RELN: variants seen among roughly 807,000 people sequenced by gnomAD.
The protein encoded by RELN is reelin.
Under a neutral mutation model 427.6 loss-of-function variants are expected in RELN, and 108 were observed. The observed-to-expected ratio is 0.25, with a 90% CI of 0.22 to 0.30. The LOEUF (loss-of-function observed/expected upper bound fraction) is 0.30, where lower values mean the gene tolerates loss of function less well. RELN is among the 10% of genes least tolerant of loss of function. The pLI is 1.00. For synonymous variants in RELN, 1,524 were observed against 1,513.4 expected (o/e 1.01, Z -0.16); for missense variants, 3,715 against 4,302.8 (o/e 0.86, Z 3.82).
At chr7:103,554,882 C>T (rs1461714081) in intron 38 of RELN, among the ~76,000 whole-genome samples, 2 of 152,126 alleles carry the variant, frequency 1.3e-5, no homozygotes, top group Non-Finnish European at 2.9e-5. Flanking sequence ...TTTTTAGGGC[C>T]AACCCATGGC....
Position 103,476,122 on chromosome 7 carries a change from T to A in RELN, c.10286+2267A>T, listed in dbSNP as rs559443149. 1.5e-4 allele frequency among the ~76,000 whole-genome samples: 23 copies of A among 152,242 alleles called. No homozygotes were observed. In the South Asian group the frequency reaches 4.6e-3, roughly 30 times the overall value. On this transcript the variant is annotated intron_variant, in intron 64 of 64. Transcript: ENST00000428762. ...CTTTGGATTCCTGAGAATGTTGATA[T>A]GCATATAGTAATGGACTTGCTATAG... is the stretch of plus-strand genomic sequence containing the variant.
intron 1 of RELN, among the ~76,000 whole-genome samples, chr7:103,971,103 G>A (rs538379808): frequency 6.8e-6 from 1 of 147,626 alleles, no homozygotes; most frequent in African/African-American, 2.5e-5. Flanking sequence ...AGTGAGCAGA[G>A]ACCGTGCCAC....
chr7:103,571,194 T>C (rs3025946), intron 31 of RELN, among the ~76,000 whole-genome samples: 1,814 of 152,302 alleles, frequency 0.012, 35 homozygotes, highest in African/African-American at 0.042. Flanking sequence ...CCAATGTGTT[T>C]TACACAGTCA....
rs1203065923 is a variant in RELN, at chr7:103,483,637, C to T, written c.10181+16G>A. 6.2e-7 allele frequency: 1 copy of T among 1,613,136 alleles called. No individual in the cohort carries two copies. The highest frequency in any genetic ancestry group is 1.3e-5 in the African/African-American group (1 of 74,872). On this transcript the variant is annotated intron_variant, in intron 62 of 64. Coordinates refer to ENST00000428762, the MANE Select transcript of RELN (RefSeq NM_005045.4). ...GATTGTGCATGAGACCATGCCTTTC[C>T]ATTTGGGCCACTTACAGGGGGACAT...
chr7:103,492,384 T>TAA (rs941776354), intron 57 of RELN, among the ~76,000 whole-genome samples: 1 of 152,194 alleles, frequency 6.6e-6, no homozygotes, highest in African/African-American at 2.4e-5. Flanking sequence ...ATTGATAGCC[T>TAA]AACTTTCTTG....
chr7:103,616,829 C>T (rs1013077879), intron 20 of RELN, among the ~76,000 whole-genome samples: 4 of 152,130 alleles, frequency 2.6e-5, no homozygotes, highest in African/African-American at 7.2e-5. Flanking sequence ...GTTGTTTTCA[C>T]TTTTTACTAT....
chr7:103,874,274 G>A (rs1455756239), intron 2 of RELN, among the ~76,000 whole-genome samples: 24 of 124,122 alleles, frequency 1.9e-4, no homozygotes, highest in African/African-American at 6.0e-4. Flanking sequence ...AAAACTGGAA[G>A]CATTCCCTTT....
At chr7:103,883,078 C>G (rs368887548) in intron 2 of RELN, among the ~76,000 whole-genome samples, 1 of 152,132 alleles carries the variant, frequency 6.6e-6, no homozygotes, top group Non-Finnish European at 1.5e-5. Context: ...CATCAAAAAT[C>G]CTATCCACCA....
rs191981305 is a variant in RELN, at chr7:103,487,613, G to A, written c.9764-1197C>T. Among the ~76,000 whole-genome samples the A allele has an allele frequency of 3.2e-3, 493 of 152,224 alleles. 2 individuals are homozygous for A. Among genetic ancestry groups the A allele is most frequent in the South Asian group, 0.023 (112 of 4,820 alleles). On this transcript the variant is annotated intron_variant, in intron 60 of 64. Coordinates refer to ENST00000428762, the MANE Select transcript of RELN (RefSeq NM_005045.4). ...CGTAGTGCTCATGTCCGTATTTGCC[G>A]TGTAAAACTGTTGTTTAAATACCAC...
At chr7:103,723,536 C>T (rs1010702593) in intron 7 of RELN, among the ~76,000 whole-genome samples, 1 of 152,174 alleles carries the variant, frequency 6.6e-6, no homozygotes, top group Non-Finnish European at 1.5e-5. Flanking sequence ...TCCCTTCCAT[C>T]CTACCAGATC....
At chr7:103,527,300 C>A (rs150550629) in intron 46 of RELN, among the ~76,000 whole-genome samples, 3 of 152,096 alleles carry the variant, frequency 2.0e-5, no homozygotes, top group African/African-American at 7.2e-5. Context: ...TCTTTTACTT[C>A]GAAAGAGATA....
At chr7:103,697,008 T>A (rs566700302) in intron 10 of RELN, among the ~76,000 whole-genome samples, 1 of 152,288 alleles carries the variant, frequency 6.6e-6, no homozygotes, top group East Asian at 1.9e-4. Flanking sequence ...AGACTTTTAC[T>A]TTGTGCTTGC....
intron 1 of RELN, among the ~76,000 whole-genome samples, chr7:103,977,746 C>G (rs1437557522): frequency 6.6e-6 from 1 of 152,148 alleles, no homozygotes; most frequent in Non-Finnish European, 1.5e-5. Context: ...TCCTTCCATT[C>G]TGCAAGCTAA....
At chr7:103,493,851 C>T (rs1828744812) in intron 57 of RELN, among the ~76,000 whole-genome samples, 2 of 152,108 alleles carry the variant, frequency 1.3e-5, no homozygotes, top group South Asian at 4.1e-4. Flanking sequence ...TACGGTAAGT[C>T]TCTGCTGACT....
At chr7:103,538,179 C>T (rs1167456706) in intron 45 of RELN, among the ~76,000 whole-genome samples, 1 of 152,156 alleles carries the variant, frequency 6.6e-6, no homozygotes, top group African/African-American at 2.4e-5. Context: ...ATGTCTATTA[C>T]GTTCAGACTA....
At chr7:103,662,641 A>G (rs997578839) in intron 11 of RELN, among the ~76,000 whole-genome samples, 5 of 151,756 alleles carry the variant, frequency 3.3e-5, no homozygotes, top group Admixed American at 6.6e-5. Context: ...AAAAAAAAAA[A>G]AAAAGAAACG....
intron 46 of RELN, among the ~76,000 whole-genome samples, chr7:103,526,504 C>T (rs1433224010): frequency 6.6e-6 from 1 of 152,142 alleles, no homozygotes; most frequent in East Asian, 1.9e-4. Flanking sequence ...GTGATGATTT[C>T]ATATTCTTAG....
intron 4 of RELN, among the ~76,000 whole-genome samples, chr7:103,775,422 G>A (rs1179422558): frequency 1.3e-5 from 2 of 152,112 alleles, no homozygotes; most frequent in Non-Finnish European, 2.9e-5. Context: ...TAAGCATCAC[G>A]TTACTTAGAT....
At chr7:103,862,880 G>T (rs567231534) in intron 2 of RELN, among the ~76,000 whole-genome samples, 1 of 152,050 alleles carries the variant, frequency 6.6e-6, no homozygotes, top group Non-Finnish European at 1.5e-5. Flanking sequence ...GAGAATGGAC[G>T]TGGCTGTTCT....
Sources: allele counts gnomAD v4.1 joint callset (sites outside exome capture counted in the v4.1 genomes callset), GRCh38; gene constraint gnomAD v4.1.1; transcripts MANE v1.5; gene names NCBI Gene and HGNC (gene_info 2026-07-23, HGNC 2026-07-21).